HEMK2: variants seen among roughly 807,000 people sequenced by gnomAD.
HEMK2 encodes the protein methyltransferase HEMK2.
the HEMK2 span, among the ~76,000 whole-genome samples, chr21:28,862,918 T>C: frequency 1.3e-5 from 2 of 152,338 alleles, no homozygotes; most frequent in African/African-American, 2.4e-5. Context: ...CGAAGGATAG[T>C]TGAATTATGT....
At chr21:28,736,774 G>A in the HEMK2 span, among the ~76,000 whole-genome samples, 1 of 145,372 alleles carries the variant, frequency 6.9e-6, no homozygotes, top group East Asian at 2.1e-4. Flanking sequence ...GAAACCTGCT[G>A]TCTGTATTTG....
chr21:28,802,166 T>C, the HEMK2 span, among the ~76,000 whole-genome samples: 3 of 152,162 alleles, frequency 2.0e-5, no homozygotes, highest in Non-Finnish European at 4.4e-5. Context: ...TAATGAGTCA[T>C]TGGTACAATG....
the HEMK2 span, among the ~76,000 whole-genome samples, chr21:28,804,820 C>T: frequency 6.6e-6 from 1 of 152,148 alleles, no homozygotes; most frequent in Non-Finnish European, 1.5e-5. Flanking sequence ...ATCAAAAGGG[C>T]TGGGAAGAAA....
chr21:28,831,682 AGAAGGAAGGAAG>A, the HEMK2 span, among the ~76,000 whole-genome samples: 33 of 20,318 alleles, frequency 1.6e-3, no homozygotes, highest in East Asian at 3.9e-3. Flanking sequence ...AAAGAAAGAA[AGAAGGAAGGAAG>A]GAAGGAAGGA....
chr21:28,611,047 G>A, the HEMK2 span, among the ~76,000 whole-genome samples: 1 of 152,184 alleles, frequency 6.6e-6, no homozygotes, highest in African/African-American at 2.4e-5. Flanking sequence ...CAACAAAAAT[G>A]GACTTAACAG....
the HEMK2 span, among the ~76,000 whole-genome samples, chr21:28,720,606 G>A: frequency 3.9e-5 from 6 of 152,216 alleles, no homozygotes; most frequent in South Asian, 2.1e-4. Context: ...GGTGGCGGGC[G>A]CCTGTAATCC....
the HEMK2 span, among the ~76,000 whole-genome samples, chr21:28,701,280 A>AG: frequency 1.3e-5 from 2 of 152,026 alleles, no homozygotes; most frequent in Middle Eastern, 3.2e-3. Flanking sequence ...ACATAATACT[A>AG]GAAGTCCTTG....
the HEMK2 span, among the ~76,000 whole-genome samples, chr21:28,680,295 G>A: frequency 5.9e-5 from 9 of 152,214 alleles, no homozygotes; most frequent in African/African-American, 2.2e-4. Flanking sequence ...AAATTAGAAA[G>A]TCTAGAAGAA....
the HEMK2 span, among the ~76,000 whole-genome samples, chr21:28,636,065 T>C: frequency 6.6e-6 from 1 of 152,200 alleles, no homozygotes; most frequent in African/African-American, 2.4e-5. Context: ...ACACTGTGCT[T>C]GTTCCACACT....
the HEMK2 span, among the ~76,000 whole-genome samples, chr21:28,880,900 T>C: frequency 7.1e-6 from 1 of 141,684 alleles, no homozygotes; most frequent in African/African-American, 2.7e-5. Flanking sequence ...TTTGGCTTAA[T>C]TCCTTCTAAG....
chr21:28,860,795 G>C, the HEMK2 span, among the ~76,000 whole-genome samples: 4 of 152,172 alleles, frequency 2.6e-5, no homozygotes, highest in African/African-American at 9.7e-5. Context: ...CATGGAGTTG[G>C]ATCAGGCTGA....
the HEMK2 span, among the ~76,000 whole-genome samples, chr21:28,864,884 AT>A: frequency 3.1e-4 from 4 of 12,816 alleles, no homozygotes; most frequent in Non-Finnish European, 1.5e-3. Context: ...ATAGGTAGAT[AT>A]AGATGATAGA....
chr21:28,758,589 C>T, the HEMK2 span, among the ~76,000 whole-genome samples: 4 of 151,994 alleles, frequency 2.6e-5, no homozygotes, highest in South Asian at 2.1e-4. Flanking sequence ...GGAAGGGCAA[C>T]GAGCAGAAGA....
chr21:28,824,652 A>AG, the HEMK2 span, among the ~76,000 whole-genome samples: 1 of 152,160 alleles, frequency 6.6e-6, no homozygotes, highest in Non-Finnish European at 1.5e-5. Flanking sequence ...GAAATAAAAA[A>AG]AGAGAGAGAG....
the HEMK2 span, among the ~76,000 whole-genome samples, chr21:28,663,803 T>G: frequency 6.6e-6 from 1 of 152,188 alleles, no homozygotes; most frequent in Non-Finnish European, 1.5e-5. Flanking sequence ...TTGGAGGAAA[T>G]AAATTGTATA....
At chr21:28,612,452 T>C in the HEMK2 span, among the ~76,000 whole-genome samples, 1 of 152,174 alleles carries the variant, frequency 6.6e-6, no homozygotes. Context: ...AAACACCATC[T>C]ATGACAAACC....
At chr21:28,605,588 T>C in the HEMK2 span, among the ~76,000 whole-genome samples, 93 of 152,348 alleles carry the variant, frequency 6.1e-4, no homozygotes, top group African/African-American at 2.2e-3. Flanking sequence ...TTTTGTTCAA[T>C]ATGAAAACCA....
the HEMK2 span, among the ~76,000 whole-genome samples, chr21:28,578,815 G>A: frequency 6.6e-6 from 1 of 152,152 alleles, no homozygotes; most frequent in African/African-American, 2.4e-5. Context: ...TGTCAAGGCA[G>A]CACACGTAAT....
At chr21:28,655,993 G>T in the HEMK2 span, among the ~76,000 whole-genome samples, 1 of 151,946 alleles carries the variant, frequency 6.6e-6, no homozygotes, top group African/African-American at 2.4e-5. Context: ...ATTTGTGCAC[G>T]ATTAGAATCT....
Sources: gnomAD v4.1 joint callset for allele counts (sites outside exome capture counted in the v4.1 genomes callset) on GRCh38, gnomAD v4.1.1 for gene constraint, MANE v1.5 for transcripts, NCBI Gene and HGNC (gene_info 2026-07-23, HGNC 2026-07-21) for gene names.